The following IPO5 variants were observed in gnomAD, a reference collection of about 807,000 sequenced individuals.
The protein encoded by IPO5 is importin-5.
In IPO5, 18 loss-of-function variants were observed where a neutral mutation model predicts 143.3. That is an observed-to-expected ratio of 0.13 (90% CI 0.09 to 0.19). The LOEUF (loss-of-function observed/expected upper bound fraction) is 0.19. Among genes scored for constraint, IPO5 ranks in the 10% least tolerant of loss-of-function variants. The pLI, the probability that IPO5 is intolerant of heterozygous loss-of-function variation, is 1.00. For missense variants in IPO5, 1,013 were observed against 1,336.9 expected (o/e 0.76, Z 3.78); for synonymous variants, 477 against 465.7 (o/e 1.02, Z -0.31).
chr13:97,985,294 T>C, intron 5 of IPO5, 127 bp from the exon 6 acceptor site: 1 of 699,822 alleles, frequency 1.4e-6, no homozygotes, highest in Non-Finnish European at 2.4e-6. Context: ...AATAGACTAA[T>C]GTAATTAGAA....
chr13:98,017,542 C>T (rs923787678), intron 25 of IPO5, among the ~76,000 whole-genome samples: 1 of 152,052 alleles, frequency 6.6e-6, no homozygotes, highest in Non-Finnish European at 1.5e-5. Flanking sequence ...TAGTGATCCA[C>T]CCGCCTCGGC....
intron 9 of IPO5, among the ~76,000 whole-genome samples, chr13:97,990,985 C>G (rs75816556): frequency 9.4e-4 from 143 of 152,140 alleles, no homozygotes; most frequent in African/African-American, 3.2e-3. Flanking sequence ...CTGCTTTAAT[C>G]AGAAAGCAAA....
rs987238520 is a variant in IPO5 at position 97,956,196 on chromosome 13, G to A, written c.-113+1998G>A. On this transcript the variant is annotated intron_variant, in intron 2 of 28. Transcript: ENST00000651721. ...TAATAATAATTCAGTGTTTCAAAAG[G>A]TTTCAAAAGGCCAGTAAGGAATTAA... Among the ~76,000 whole-genome samples the A allele has an allele frequency of 5.3e-5, 8 of 151,826 alleles. No homozygotes were observed. The East Asian group carries it at 1.5e-3, about 29-fold the overall frequency.
chr13:97,976,797 TCGC>T lies in IPO5; in HGVS notation c.90+16_90+18del, dbSNP rs752972024. The T allele has an allele frequency of 7.8e-7, 1 of 1,287,110 alleles. No homozygotes were observed. Among genetic ancestry groups the T allele is most frequent in the East Asian group, 4.6e-5 (1 of 21,920 alleles). 79.7% of individuals were successfully genotyped at this position (1,287,110 alleles called of 1,614,324 possible). ...CGGAAACAGGCAGAGGTAACCGAGT[TCGC>T]CGCCCCAGTCTTCGCGCCCTGGCCG... is the stretch of plus-strand genomic sequence containing the variant. On this transcript the variant is annotated intron_variant, in intron 4 of 28. Transcript: ENST00000651721.
At chr13:97,961,774 TG>T (rs1300189268) in intron 2 of IPO5, among the ~76,000 whole-genome samples, 2 of 152,200 alleles carry the variant, frequency 1.3e-5, no homozygotes, top group African/African-American at 4.8e-5. Context: ...TTAATTGGGT[TG>T]TCTTTTTTTA....
chr13:98,000,517 A>G (rs772528201), intron 12 of IPO5, 22 bp from the exon 13 acceptor site: 14 of 1,496,506 alleles, frequency 9.4e-6, no homozygotes, highest in Non-Finnish European at 1.2e-5. Flanking sequence ...TATTGAGTAC[A>G]TAATTCTGTT....
intron 1 of IPO5, 138 bp downstream of exon 1, chr13:97,953,854 G>A (rs752836616): frequency 2.0e-5 from 9 of 451,582 alleles, no homozygotes; most frequent in African/African-American, 8.0e-5. Flanking sequence ...GTCTCCTGAC[G>A]TCACCACAGT....
intron 2 of IPO5, among the ~76,000 whole-genome samples, chr13:97,957,410 C>T (rs1271675080): frequency 6.6e-6 from 1 of 151,956 alleles, no homozygotes; most frequent in Non-Finnish European, 1.5e-5. Flanking sequence ...ACCATGTTGG[C>T]CAGGCTGGTC....
rs77381153 is a variant in IPO5, at chr13:97,986,713, A to T, written c.364+1100A>T. ...AAGTGAGGTAAAAGGCAAACATCAT[A>T]AAAAAATGCATTTTACTAAAGGTAA... On this transcript the variant is annotated intron_variant, in intron 6 of 28. Coordinates refer to ENST00000651721, the MANE Select transcript of IPO5 (RefSeq NM_002271.6). Among the ~76,000 whole-genome samples the T allele has an allele frequency of 2.0e-5, 3 of 152,312 alleles. No individual in the cohort carries two copies. The East Asian group carries it at 5.8e-4, about 29-fold the overall frequency.
intron 6 of IPO5, among the ~76,000 whole-genome samples, chr13:97,986,749 T>C (rs1887387852): frequency 6.6e-6 from 1 of 152,228 alleles, no homozygotes; most frequent in Non-Finnish European, 1.5e-5. Flanking sequence ...AAATCCTTTT[T>C]AGTCAACTAA....
intron 16 of IPO5, among the ~76,000 whole-genome samples, chr13:98,003,891 A>C (rs1348964521): frequency 6.6e-6 from 1 of 152,170 alleles, no homozygotes; most frequent in Non-Finnish European, 1.5e-5. Context: ...AACATTGAGT[A>C]TTCTAACCAG....
rs1042417407 is a variant in IPO5, at chr13:98,023,059, T to G, written c.*1237T>G. 1 of 152,644 alleles carries G rather than the reference T, an allele frequency of 6.6e-6. No individual in the cohort carries two copies. Among genetic ancestry groups the G allele is most frequent in the African/African-American group, 2.4e-5 (1 of 41,454 alleles). 9.5% of individuals were successfully genotyped at this position (152,644 alleles called of 1,614,324 possible). A position where few individuals can be genotyped will look rare whatever the true frequency, so the allele number is the denominator to read the frequency against. ...TTTATGCATAGATCAGAATTTTAAATTAAAGGTTTTTTCTTTAAATGATTT... is the reference window on the plus strand; with the variant it reads ...TTTATGCATAGATCAGAATTTTAAAGTAAAGGTTTTTTCTTTAAATGATTT... On this transcript the variant is annotated 3_prime_UTR_variant, in exon 29 of 29. Transcript: ENST00000651721.
intron 6 of IPO5, among the ~76,000 whole-genome samples, chr13:97,985,889 G>A (rs1034043506): frequency 6.6e-6 from 1 of 152,076 alleles, no homozygotes; most frequent in Non-Finnish European, 1.5e-5. Context: ...TTAGGAGGCC[G>A]AGGTGGGCAC....
At chr13:97,992,352 CT>C in intron 9 of IPO5, among the ~76,000 whole-genome samples, 1 of 152,290 alleles carries the variant, frequency 6.6e-6, no homozygotes, top group South Asian at 2.1e-4. Flanking sequence ...ATATTGGACA[CT>C]TTAAATGTAT....
At chr13:98,012,824 T>TAA in intron 21 of IPO5, among the ~76,000 whole-genome samples, 1 of 149,362 alleles carries the variant, frequency 6.7e-6, no homozygotes, top group African/African-American at 2.5e-5. Flanking sequence ...TTTTTTTTTT[T>TAA]TTTAAGAGAT....
chr13:97,977,594 T>A (rs1886487488), intron 4 of IPO5, among the ~76,000 whole-genome samples: 1 of 152,184 alleles, frequency 6.6e-6, no homozygotes, highest in Non-Finnish European at 1.5e-5. Context: ...CTAACCGTAA[T>A]CTCTTTTTTT....
chr13:97,990,293 G>A, intron 8 of IPO5, 71 bp downstream of exon 8: 1 of 1,217,546 alleles, frequency 8.2e-7, no homozygotes, highest in Non-Finnish European at 1.2e-6. Flanking sequence ...TAGTATATTA[G>A]GAGGTTGTTT....
intron 2 of IPO5, among the ~76,000 whole-genome samples, 193 bp from the exon 3 acceptor site, chr13:97,969,530 T>C (rs1885651245): frequency 6.6e-6 from 1 of 152,160 alleles, no homozygotes; most frequent in Non-Finnish European, 1.5e-5. Flanking sequence ...ACAAATGATT[T>C]TTAAAAATCC....
At chr13:98,009,262 C>T (rs1216043118) in intron 18 of IPO5, among the ~76,000 whole-genome samples, 1 of 152,154 alleles carries the variant, frequency 6.6e-6, no homozygotes, top group African/African-American at 2.4e-5. Context: ...TGACAGATAT[C>T]AGGGGATAAG....
Sources: gnomAD v4.1 joint callset for allele counts (sites outside exome capture counted in the v4.1 genomes callset) on GRCh38, gnomAD v4.1.1 for gene constraint, MANE v1.5 for transcripts, NCBI Gene and HGNC (gene_info 2026-07-23, HGNC 2026-07-21) for gene names.